SDK1: variants seen among roughly 807,000 people sequenced by gnomAD.
The protein encoded by SDK1 is protein sidekick-1.
SDK1 carries 157 observed loss-of-function variants against 245.5 expected under a neutral mutation model. The observed-to-expected ratio is 0.64, with a 90% CI of 0.56 to 0.73. The LOEUF (loss-of-function observed/expected upper bound fraction) is 0.73. Ranked by LOEUF, SDK1 falls within the 30% of genes least tolerant of loss-of-function variation. The pLI, the probability that SDK1 is intolerant of heterozygous loss-of-function variation, is 0.00. For synonymous variants in SDK1, 1,647 were observed against 1,278.5 expected, an observed-to-expected ratio of 1.29 and a Z score of -6.15; for missense variants, 3,583 against 3,002.3, an observed-to-expected ratio of 1.19 and a Z score of -4.52.
intron 4 of SDK1, among the ~76,000 whole-genome samples, chr7:3,752,667 C>A (rs542466283): frequency 6.6e-6 from 1 of 152,202 alleles, no homozygotes; most frequent in East Asian, 1.9e-4. Flanking sequence ...CTTTTTTCCT[C>A]ATCCTCTAAC....
chr7:3,893,546 A>G (rs1159155078), intron 5 of SDK1, among the ~76,000 whole-genome samples: 1 of 151,830 alleles, frequency 6.6e-6, no homozygotes, highest in Non-Finnish European at 1.5e-5. Flanking sequence ...TCTTCAGGGT[A>G]AGCAACCTCA....
chr7:4,063,621 G>T (rs7803434), intron 19 of SDK1, among the ~76,000 whole-genome samples: 1,978 of 138,340 alleles, frequency 0.014, 52 homozygotes, highest in African/African-American at 0.056. Context: ...AAAAAACCCC[G>T]TAAATTCTTG....
rs1014642408 is a variant in SDK1 at position 4,002,631 on chromosome 7, AT to A, written c.2132-8329del. On this transcript the variant is annotated intron_variant, in intron 14 of 44. Coordinates refer to ENST00000404826, the MANE Select transcript of SDK1 (RefSeq NM_152744.4). ...CAAAAATTTTAAGTGAACTTCTATC[AT>A]TTTTTATGGTATAAATAATGTACAT... is the stretch of plus-strand genomic sequence containing the variant. Among the ~76,000 whole-genome samples, 12 of 152,244 alleles carry A rather than the reference AT, an allele frequency of 7.9e-5. No homozygotes were observed. The East Asian group carries it at 2.3e-3, about 29-fold the overall frequency.
intron 35 of SDK1, among the ~76,000 whole-genome samples, chr7:4,190,889 T>G (rs927941459): frequency 5.9e-5 from 9 of 152,164 alleles, no homozygotes; most frequent in African/African-American, 2.2e-4. Flanking sequence ...GCCTCATCAA[T>G]GCTGGGCCGG....
intron 5 of SDK1, among the ~76,000 whole-genome samples, chr7:3,830,674 T>A (rs1481276054): frequency 3.9e-5 from 6 of 152,156 alleles, no homozygotes; most frequent in East Asian, 1.9e-4. Context: ...TTTTAAAAAA[T>A]TTTTGTGGAG....
At chr7:3,811,510 A>C (rs1408116998) in intron 4 of SDK1, among the ~76,000 whole-genome samples, 1 of 152,184 alleles carries the variant, frequency 6.6e-6, no homozygotes, top group Non-Finnish European at 1.5e-5. Context: ...AGAAGATGCA[A>C]GAGCTCTGAG....
At chr7:3,705,316 A>T (rs1036166390) in intron 4 of SDK1, among the ~76,000 whole-genome samples, 1 of 152,020 alleles carries the variant, frequency 6.6e-6, no homozygotes, top group Non-Finnish European at 1.5e-5. Context: ...CTTTCAATCC[A>T]TGAGCATGGG....
intron 44 of SDK1, among the ~76,000 whole-genome samples, chr7:4,249,815 G>A (rs924858745): frequency 6.6e-6 from 1 of 152,190 alleles, no homozygotes; most frequent in African/African-American, 2.4e-5. Context: ...CGTTTTGGAA[G>A]TGCCAGCTCA....
intron 1 of SDK1, among the ~76,000 whole-genome samples, chr7:3,439,401 C>T (rs1206827604): frequency 6.6e-6 from 1 of 152,188 alleles, no homozygotes; most frequent in African/African-American, 2.4e-5. Flanking sequence ...TACTGTTGCG[C>T]TCCTTACAAG....
intron 7 of SDK1, among the ~76,000 whole-genome samples, chr7:3,955,598 G>C (rs962163223): frequency 3.5e-4 from 53 of 152,334 alleles, no homozygotes; most frequent in African/African-American, 1.1e-3. Context: ...CCGAGGGCAT[G>C]CGTGGGACAT....
chr7:4,142,141 G>T (rs1779620703), intron 28 of SDK1, among the ~76,000 whole-genome samples: 1 of 152,188 alleles, frequency 6.6e-6, no homozygotes, highest in Non-Finnish European at 1.5e-5. Context: ...CCTCGACAGT[G>T]TGGAGGGAGC....
chr7:3,590,551 T>G (rs1182362707), intron 1 of SDK1, among the ~76,000 whole-genome samples: 2 of 152,190 alleles, frequency 1.3e-5, no homozygotes, highest in Non-Finnish European at 2.9e-5. Flanking sequence ...CAGTAATTCC[T>G]TGCATTGGGC....
chr7:3,789,911 T>G lies in SDK1; in HGVS notation c.714-31539T>G, dbSNP rs10281092. ...GGACAGGCTCGAGGACAGGCTGTGT[T>G]GGGGGGTTGGGGGCGGGTAGGGGGC... On this transcript the variant is annotated intron_variant, in intron 4 of 44. Transcript: ENST00000404826. 7.3e-3 allele frequency among the ~76,000 whole-genome samples: 893 copies of G among 122,970 alleles called. 9 individuals carry two copies. Among genetic ancestry groups the G allele is most frequent in the African/African-American group, 0.025 (814 of 32,224 alleles). The allele number at this position is 122,970 out of a possible 152,430, so 80.7% of individuals were successfully genotyped here.
At chr7:3,589,426 A>T (rs1583201203) in intron 1 of SDK1, among the ~76,000 whole-genome samples, 1 of 152,194 alleles carries the variant, frequency 6.6e-6, no homozygotes, top group African/African-American at 2.4e-5. Flanking sequence ...CACCACCTCC[A>T]TGGCGCCTCC....
chr7:3,966,339 G>A (rs1293008025), intron 9 of SDK1, among the ~76,000 whole-genome samples: 1 of 152,086 alleles, frequency 6.6e-6, no homozygotes, highest in African/African-American at 2.4e-5. Flanking sequence ...TTCCTTGAGG[G>A]GTATCAGCCC....
chr7:3,578,462 C>G (rs1780373028), intron 1 of SDK1, among the ~76,000 whole-genome samples: 1 of 151,998 alleles, frequency 6.6e-6, no homozygotes. Flanking sequence ...TAACAGAAAA[C>G]AGGATTCGAG....
intron 5 of SDK1, among the ~76,000 whole-genome samples, chr7:3,940,694 G>A (rs546795431): frequency 3.7e-4 from 57 of 152,158 alleles, no homozygotes; most frequent in Non-Finnish European, 5.6e-4. Context: ...CGTGGCAGGC[G>A]CCTGTAATCC....
chr7:3,597,482 C>T (rs1477747433), intron 1 of SDK1, among the ~76,000 whole-genome samples: 2 of 152,028 alleles, frequency 1.3e-5, no homozygotes, highest in African/African-American at 2.4e-5. Context: ...CACAGAACAC[C>T]GGCGGCGGGG....
chr7:3,329,731 C>T (rs1415486833), intron 1 of SDK1, among the ~76,000 whole-genome samples: 2 of 152,190 alleles, frequency 1.3e-5, no homozygotes, highest in African/African-American at 2.4e-5. Context: ...GTGCATTCTA[C>T]ATCTGGTGTT....
Sources: gnomAD v4.1 joint callset for allele counts (sites outside exome capture counted in the v4.1 genomes callset) on GRCh38, gnomAD v4.1.1 for gene constraint, MANE v1.5 for transcripts, NCBI Gene and HGNC (gene_info 2026-07-23, HGNC 2026-07-21) for gene names.